GALNS: variants seen among roughly 807,000 people sequenced by gnomAD.
The protein encoded by GALNS is N-acetylgalactosamine-6-sulfatase.
GALNS carries 65 observed loss-of-function variants against 65.9 expected under a neutral mutation model. The observed-to-expected ratio is 0.99, with a 90% CI of 0.81 to 1.21. The LOEUF (loss-of-function observed/expected upper bound fraction) is 1.21, where lower values mean the gene tolerates loss of function less well. GALNS is among the 50% of genes most tolerant of loss of function. The pLI is 0.00. For synonymous variants in GALNS, 346 were observed against 288.9 expected, an observed-to-expected ratio of 1.20 and a Z score of -2.00; for missense variants, 776 against 700.7, an observed-to-expected ratio of 1.11 and a Z score of -1.21.
chr16:88,833,914 A>C (rs999346539), intron 8 of GALNS, among the ~76,000 whole-genome samples: 1 of 152,232 alleles, frequency 6.6e-6, no homozygotes, highest in African/African-American at 2.4e-5. Context: ...ATGAAGACTC[A>C]GGTCGCTGGG....
intron 5 of GALNS, among the ~76,000 whole-genome samples, chr16:88,837,030 C>G (rs1486550727): frequency 1.3e-5 from 2 of 152,242 alleles, no homozygotes; most frequent in Non-Finnish European, 2.9e-5. Flanking sequence ...TAGAAAGAGG[C>G]AGCAAGCTGG....
rs558911063 is a variant in GALNS at position 88,856,745 on chromosome 16, C to T, written c.120+13G>A. ...CCACCCCGGCCCTGCCCCGTCCCAC[C>T]GCCCGCACTCACGTCGTCCATGAGC... On this transcript the variant is annotated intron_variant, in intron 1 of 13. Coordinates refer to ENST00000268695, the MANE Select transcript of GALNS (RefSeq NM_000512.5). The T allele has an allele frequency of 1.9e-4, 289 of 1,503,368 alleles. 5 individuals are homozygous for T. In the South Asian group the frequency reaches 3.5e-3, roughly 18 times the overall value. 93.1% of individuals were successfully genotyped at this position (1,503,368 alleles called of 1,614,324 possible). A position where few individuals can be genotyped will look rare whatever the true frequency, so the allele number is the denominator to read the frequency against.
At chr16:88,819,413 T>C (rs1427297959) in intron 12 of GALNS, among the ~76,000 whole-genome samples, 1 of 152,182 alleles carries the variant, frequency 6.6e-6, no homozygotes, top group East Asian at 1.9e-4. Context: ...CTCAGGTGCA[T>C]TTGTGTTTCT....
At position 88,837,729 on chromosome 16, in the gene GALNS, C is replaced by CT; in HGVS notation, c.458dup (p.His154AlafsTer4). 6.2e-7 allele frequency: 1 copy of CT among 1,614,028 alleles called. No homozygotes were observed. Among genetic ancestry groups the CT allele is most frequent in the Non-Finnish European group, 8.5e-7 (1 of 1,180,014 alleles). Reference sequence around the variant, plus strand: ...ATCCAAACCACTCATCAAATCCGTGCTTCAGGGGGTGGAACTGGGGCCTGT... The same window carrying CT: ...ATCCAAACCACTCATCAAATCCGTGCTTTCAGGGGGTGGAACTGGGGCCTGT... On this transcript the variant is annotated frameshift_variant, in exon 5 of 14. Coordinates refer to ENST00000268695, the MANE Select transcript of GALNS (RefSeq NM_000512.5). LOFTEE classifies it high-confidence loss of function.
intron 13 of GALNS, chr16:88,815,855 C>T: frequency 1.0e-6 from 1 of 985,324 alleles, no homozygotes; most frequent in African/African-American, 1.7e-5. Context: ...GTGTTTGAGT[C>T]TGGATGGGGG....
At chr16:88,851,726 G>C (rs1469478241) in intron 1 of GALNS, among the ~76,000 whole-genome samples, 1 of 152,260 alleles carries the variant, frequency 6.6e-6, no homozygotes, top group Non-Finnish European at 1.5e-5. Flanking sequence ...CTGGCTCGGA[G>C]GGTCTCATGC....
At chr16:88,839,228 G>A (rs1442950741) in intron 4 of GALNS, among the ~76,000 whole-genome samples, 2 of 149,194 alleles carry the variant, frequency 1.3e-5, no homozygotes, top group Non-Finnish European at 3.0e-5. Context: ...CCCGGCCACA[G>A]GGGACACTCG....
chr16:88,842,393 G>A (rs541884716), intron 2 of GALNS: 31 of 526,864 alleles, frequency 5.9e-5, no homozygotes, highest in African/African-American at 5.0e-4. Flanking sequence ...CTGCTTCCCA[G>A]GTACCCTGAG....
chr16:88,824,186 T>G, intron 11 of GALNS, among the ~76,000 whole-genome samples: 2 of 151,450 alleles, frequency 1.3e-5, no homozygotes, highest in African/African-American at 2.4e-5. Flanking sequence ...CAGGAGGGGC[T>G]GGGGGATGCT....
At chr16:88,822,453 G>GT (rs1910329171) in intron 12 of GALNS, 136 bp downstream of exon 12, 2 of 1,182,856 alleles carry the variant, frequency 1.7e-6, no homozygotes, top group East Asian at 5.1e-5. Flanking sequence ...GCACGTGTGG[G>GT]TATGAATAGC....
Position 88,841,089 on chromosome 16 carries a change from T to C in GALNS, c.325A>G (p.Thr109Ala), listed in dbSNP as rs200242926. Residue 109 changes from threonine to alanine, a missense_variant, in exon 4 of 14, where the codon ACA becomes GCA. Physicochemically the swap from Thr to Ala is moderately conservative, Grantham distance 58 (BLOSUM62 0). Transcript: ENST00000268695. ...ATGCCGCCCACAATCTCCTGCGGTG[T>C]GTAGGCTGGAAGAGCAGCGCTGGGT... ...TTNAHARNAY[T>A]PQEIVGGIPD... 1 of 1,612,836 alleles carries C rather than the reference T, an allele frequency of 6.2e-7. No individual in the cohort carries two copies. The highest frequency in any genetic ancestry group is 2.2e-5 in the East Asian group (1 of 44,864).
intron 1 of GALNS, chr16:88,843,117 G>A: frequency 4.1e-6 from 6 of 1,463,118 alleles, no homozygotes; most frequent in Non-Finnish European, 5.5e-6. Flanking sequence ...TGGTCTTCAG[G>A]TGGGGAATGT....
chr16:88,834,185 C>A (rs1037590719), intron 8 of GALNS, among the ~76,000 whole-genome samples: 9 of 152,230 alleles, frequency 5.9e-5, no homozygotes, highest in African/African-American at 2.2e-4. Flanking sequence ...TGGGACGTGG[C>A]GCGAGGGAGC....
intron 4 of GALNS, among the ~76,000 whole-genome samples, chr16:88,839,237 C>T (rs9929209): frequency 0.097 from 13,584 of 139,854 alleles, 1,235 homozygotes; most frequent in African/African-American, 0.35. Context: ...AGGGGACACT[C>T]GTGCGCCCAC....
At chr16:88,853,548 G>A (rs1170810040) in intron 1 of GALNS, among the ~76,000 whole-genome samples, 2 of 152,156 alleles carry the variant, frequency 1.3e-5, no homozygotes. Context: ...CTGTGGTCAG[G>A]GCTGACCCTC....
At chr16:88,850,491 A>G (rs556118210) in intron 1 of GALNS, among the ~76,000 whole-genome samples, 1 of 152,180 alleles carries the variant, frequency 6.6e-6, no homozygotes, top group African/African-American at 2.4e-5. Context: ...CTCACCAGAA[A>G]ATACTGCGGG....
At chr16:88,856,435 C>T (rs1248224323) in intron 1 of GALNS, 1 of 700,796 alleles carries the variant, frequency 1.4e-6, no homozygotes, top group Admixed American at 2.0e-5. Context: ...GGCCCGGTAG[C>T]ACGCCGGCCA....
At chr16:88,842,030 C>T (rs1966999441) in intron 2 of GALNS, 59 bp from the exon 3 acceptor site, 23 of 1,477,124 alleles carry the variant, frequency 1.6e-5, no homozygotes, top group Admixed American at 5.7e-5. Context: ...AGACCCCGGG[C>T]GTCAACAAGA....
chr16:88,833,737 A>G (rs1181941859), intron 8 of GALNS, among the ~76,000 whole-genome samples: 3 of 152,156 alleles, frequency 2.0e-5, no homozygotes, highest in African/African-American at 7.2e-5. Flanking sequence ...GGTGTGAGCC[A>G]CCACGCCCAG....
Sources: allele counts gnomAD v4.1 joint callset (sites outside exome capture counted in the v4.1 genomes callset), GRCh38; gene constraint gnomAD v4.1.1; transcripts MANE v1.5; gene names NCBI Gene and HGNC (gene_info 2026-07-23, HGNC 2026-07-21).